IGSF10: variants seen among roughly 807,000 people sequenced by gnomAD.
The protein encoded by IGSF10 is immunoglobulin superfamily member 10.
IGSF10 carries 126 observed loss-of-function variants against 128.2 expected under a neutral mutation model. The observed-to-expected ratio is 0.98, with a 90% CI of 0.85 to 1.14. IGSF10 has a LOEUF of 1.14. Ranked by LOEUF, IGSF10 falls within the 50% of genes most tolerant of loss-of-function variation. The pLI, the probability that IGSF10 is intolerant of heterozygous loss-of-function variation, is 0.00. For missense variants in IGSF10, 3,295 were observed against 3,149.8 expected (o/e 1.05, Z -1.10); for synonymous variants, 1,185 against 1,146.2 (o/e 1.03, Z -0.68).
chr3:151,520,930 AGAGT>A, the IGSF10 span, among the ~76,000 whole-genome samples: 1 of 145,716 alleles, frequency 6.9e-6, no homozygotes, highest in Non-Finnish European at 1.5e-5. Context: ...TAAAAGGCAC[AGAGT>A]AGCAATCTGG....
chr3:151,536,169 A>G, the IGSF10 span, among the ~76,000 whole-genome samples: 1 of 152,158 alleles, frequency 6.6e-6, no homozygotes, highest in Non-Finnish European at 1.5e-5. Flanking sequence ...ACTTCTGAGC[A>G]GGAAGCAGGG....
the IGSF10 span, among the ~76,000 whole-genome samples, chr3:151,555,173 C>G: frequency 2.0e-5 from 3 of 152,098 alleles, no homozygotes; most frequent in Admixed American, 2.0e-4. Context: ...ACGTGTAAAA[C>G]TGTCACCTGT....
chr3:151,536,697 G>C, the IGSF10 span, among the ~76,000 whole-genome samples: 3 of 152,122 alleles, frequency 2.0e-5, no homozygotes, highest in Non-Finnish European at 2.9e-5. Flanking sequence ...GATTTGACTA[G>C]AGGCTAAAAA....
intron 4 of IGSF10, among the ~76,000 whole-genome samples, chr3:151,454,586 G>GT (rs143402800): frequency 0.74 from 110,714 of 149,886 alleles, 40,946 homozygotes; most frequent in Middle Eastern, 0.94. Flanking sequence ...TTTTTATAAG[G>GT]TTTTTTTTTT....
chr3:151,613,171 C>G, the IGSF10 span, among the ~76,000 whole-genome samples: 1 of 152,056 alleles, frequency 6.6e-6, no homozygotes, highest in Non-Finnish European at 1.5e-5. Flanking sequence ...CTATAAACCA[C>G]TGCTCAATGA....
chr3:151,464,816 G>A (rs1722224855), upstream of IGSF10, among the ~76,000 whole-genome samples: 1 of 152,180 alleles, frequency 6.6e-6, no homozygotes, highest in South Asian at 2.1e-4. Context: ...TAAGTGCCAT[G>A]AAGAGACATA....
chr3:151,511,574 C>T, the IGSF10 span, among the ~76,000 whole-genome samples: 1 of 152,200 alleles, frequency 6.6e-6, no homozygotes, highest in Non-Finnish European at 1.5e-5. Flanking sequence ...GCAAAATCAC[C>T]AGCTAACATC....
chr3:151,483,694 C>A, the IGSF10 span, among the ~76,000 whole-genome samples: 1 of 152,134 alleles, frequency 6.6e-6, no homozygotes. Context: ...TTGCCTCACC[C>A]AGGAAGCACA....
the IGSF10 span, among the ~76,000 whole-genome samples, chr3:151,544,925 A>C: frequency 6.6e-6 from 1 of 151,978 alleles, no homozygotes; most frequent in African/African-American, 2.4e-5. Context: ...CTGATTCTCT[A>C]ACTTTCTTAA....
At chr3:151,562,911 T>C in the IGSF10 span, among the ~76,000 whole-genome samples, 1 of 152,070 alleles carries the variant, frequency 6.6e-6, no homozygotes, top group Non-Finnish European at 1.5e-5. Flanking sequence ...GGAGTTTATA[T>C]AAAAATGTTC....
the IGSF10 span, among the ~76,000 whole-genome samples, chr3:151,551,408 G>C: frequency 1.3e-5 from 2 of 151,996 alleles, no homozygotes; most frequent in Non-Finnish European, 1.5e-5. Flanking sequence ...TACACAAAAA[G>C]TTGGCCTTCT....
the IGSF10 span, among the ~76,000 whole-genome samples, chr3:151,474,531 T>C: frequency 6.6e-6 from 1 of 152,226 alleles, no homozygotes; most frequent in African/African-American, 2.4e-5. Flanking sequence ...ATTAGGCTAC[T>C]TTCCAGCGAA....
chr3:151,593,664 G>A, the IGSF10 span, among the ~76,000 whole-genome samples: 4 of 151,886 alleles, frequency 2.6e-5, no homozygotes, highest in African/African-American at 9.7e-5. Context: ...CATTTAGGAA[G>A]GAGGAAGACA....
intron 4 of IGSF10, among the ~76,000 whole-genome samples, chr3:151,455,722 C>T (rs1316468973): frequency 6.6e-6 from 1 of 152,126 alleles, no homozygotes; most frequent in Non-Finnish European, 1.5e-5. Context: ...GGTTGATGGA[C>T]ATTAAGAGGT....
the IGSF10 span, among the ~76,000 whole-genome samples, chr3:151,595,570 T>C: frequency 6.7e-6 from 1 of 149,218 alleles, no homozygotes; most frequent in Non-Finnish European, 1.5e-5. Context: ...ATATATTATA[T>C]ACATAAATAT....
chr3:151,554,767 C>A, the IGSF10 span, among the ~76,000 whole-genome samples: 12 of 152,264 alleles, frequency 7.9e-5, no homozygotes, highest in East Asian at 2.3e-3. Flanking sequence ...ATGTACTATA[C>A]AAAGCCTAAA....
the IGSF10 span, among the ~76,000 whole-genome samples, chr3:151,599,626 C>A: frequency 6.6e-6 from 1 of 152,208 alleles, no homozygotes; most frequent in Admixed American, 6.5e-5. Flanking sequence ...ATAGGAAAAT[C>A]GAACTTTAAA....
the IGSF10 span, among the ~76,000 whole-genome samples, chr3:151,579,911 G>GAAGGAAGGAAGA: frequency 6.6e-6 from 1 of 151,508 alleles, no homozygotes; most frequent in African/African-American, 2.4e-5. Context: ...AGGAAGGAAG[G>GAAGGAAGGAAGA]AAGGAAGGGC....
At chr3:151,453,354 T>C (rs770963264) in intron 5 of IGSF10, 30 bp downstream of exon 5, 153 of 1,529,102 alleles carry the variant, frequency 1.0e-4, no homozygotes, top group Non-Finnish European at 1.3e-4. Context: ...CTCCACTTAA[T>C]TGGGACAAAA....
Sources: gnomAD v4.1 joint callset for allele counts (sites outside exome capture counted in the v4.1 genomes callset) on GRCh38, gnomAD v4.1.1 for gene constraint, MANE v1.5 for transcripts, NCBI Gene and HGNC (gene_info 2026-07-23, HGNC 2026-07-21) for gene names.